Variants in SMYD3 observed in about 807,000 individuals in gnomAD.
SMYD3 encodes the protein SET and MYND domain containing 3.
Under a neutral mutation model 57.7 loss-of-function variants are expected in SMYD3, and 36 were observed. The ratio of observed to expected loss-of-function variants is 0.62; its 90% CI spans 0.48 to 0.82. The LOEUF (loss-of-function observed/expected upper bound fraction) is 0.82, where lower values mean the gene tolerates loss of function less well. SMYD3 is among the 40% of genes least tolerant of loss of function. The probability of loss-of-function intolerance (pLI) is 0.00; values close to 1 mark genes in which losing one functional copy is unlikely to be tolerated. For synonymous variants in SMYD3, 211 were observed against 195.0 expected (o/e 1.08, Z -0.68); for missense variants, 515 against 538.8 (o/e 0.96, Z 0.44).
chr1:245,977,806 C>T (rs2058488842), intron 5 of SMYD3, among the ~76,000 whole-genome samples: 2 of 152,188 alleles, frequency 1.3e-5, no homozygotes, highest in African/African-American at 4.8e-5. Flanking sequence ...TTATTAACAC[C>T]TCTGAAGGTT....
chr1:246,285,263 T>C (rs1438254715), intron 5 of SMYD3, among the ~76,000 whole-genome samples: 1 of 152,222 alleles, frequency 6.6e-6, no homozygotes, highest in African/African-American at 2.4e-5. Flanking sequence ...CAGTCTCCAG[T>C]TGCATCCAGG....
intron 8 of SMYD3, among the ~76,000 whole-genome samples, chr1:245,885,612 T>C (rs937459232): frequency 6.6e-6 from 1 of 152,142 alleles, no homozygotes; most frequent in South Asian, 2.1e-4. Context: ...GGCTGAAGAG[T>C]TTGTATGCCC....
intron 1 of SMYD3, among the ~76,000 whole-genome samples, chr1:246,491,928 C>T (rs1019659058): frequency 6.6e-6 from 1 of 152,230 alleles, no homozygotes; most frequent in Non-Finnish European, 1.5e-5. Context: ...CTGAACGCAA[C>T]TCTGTTCAAC....
intron 5 of SMYD3, among the ~76,000 whole-genome samples, chr1:246,037,516 C>A (rs144236774): frequency 0.01 from 1,539 of 152,292 alleles, 16 homozygotes; most frequent in Non-Finnish European, 0.015. Flanking sequence ...CATCCTGCTT[C>A]AAGGACATAT....
chr1:245,763,010 G>A (rs2045920703), intron 11 of SMYD3, among the ~76,000 whole-genome samples: 1 of 152,198 alleles, frequency 6.6e-6, no homozygotes, highest in Admixed American at 6.5e-5. Context: ...ACGGACTAGA[G>A]GAGAGGAAGT....
intron 1 of SMYD3, among the ~76,000 whole-genome samples, chr1:246,401,983 A>G (rs976093022): frequency 2.0e-5 from 3 of 152,224 alleles, no homozygotes; most frequent in Admixed American, 6.5e-5. Flanking sequence ...CAGCCTCCCA[A>G]AGTGCTGGGA....
intron 5 of SMYD3, among the ~76,000 whole-genome samples, chr1:246,155,722 G>A (rs546702243): frequency 1.3e-5 from 2 of 152,332 alleles, no homozygotes; most frequent in South Asian, 2.1e-4. Flanking sequence ...GCTCGTGCCT[G>A]TAATCCCGGC....
intron 1 of SMYD3, among the ~76,000 whole-genome samples, chr1:246,441,622 T>TC (rs1313876443): frequency 6.6e-6 from 1 of 152,154 alleles, no homozygotes; most frequent in Non-Finnish European, 1.5e-5. Context: ...CTTTGTTTTT[T>TC]CCCCCTTGAG....
chr1:245,813,203 C>T (rs977814344), intron 10 of SMYD3, among the ~76,000 whole-genome samples: 12 of 151,808 alleles, frequency 7.9e-5, no homozygotes, highest in Admixed American at 1.3e-4. Flanking sequence ...TTAGGAGAGA[C>T]GGCGTTTCAC....
intron 5 of SMYD3, among the ~76,000 whole-genome samples, chr1:246,073,662 A>C (rs954612354): frequency 6.6e-6 from 1 of 152,176 alleles, no homozygotes; most frequent in African/African-American, 2.4e-5. Context: ...GGTTGCAGCA[A>C]GCCAAGATCA....
chr1:246,478,403 C>T (rs2068056190), intron 1 of SMYD3, among the ~76,000 whole-genome samples: 1 of 151,028 alleles, frequency 6.6e-6, no homozygotes, highest in African/African-American at 2.4e-5. Flanking sequence ...CATATATGCA[C>T]ACCTGTCCTC....
chr1:245,917,879 C>G (rs1261085984), intron 7 of SMYD3, among the ~76,000 whole-genome samples: 1 of 152,164 alleles, frequency 6.6e-6, no homozygotes, highest in Non-Finnish European at 1.5e-5. Context: ...GCAGAAAACT[C>G]CATGTGGTTT....
chr1:246,002,333 C>G (rs1298607569), intron 5 of SMYD3, among the ~76,000 whole-genome samples: 1 of 67,640 alleles, frequency 1.5e-5, no homozygotes, highest in Non-Finnish European at 3.8e-5. Context: ...TGCAGGCTCC[C>G]GCCACCACGC....
chr1:246,178,306 C>T (rs1229606689), intron 5 of SMYD3, among the ~76,000 whole-genome samples: 2 of 151,784 alleles, frequency 1.3e-5, no homozygotes, highest in African/African-American at 4.9e-5. Flanking sequence ...GAAGGTAAAG[C>T]CCCAAAAGAT....
intron 5 of SMYD3, among the ~76,000 whole-genome samples, chr1:246,152,474 C>T (rs1470137443): frequency 6.6e-6 from 1 of 152,182 alleles, no homozygotes; most frequent in Non-Finnish European, 1.5e-5. Flanking sequence ...ACTAATGCCA[C>T]CTCAGTCTAG....
intron 1 of SMYD3, among the ~76,000 whole-genome samples, chr1:246,374,474 T>G (rs1249082548): frequency 2.0e-5 from 3 of 152,082 alleles, no homozygotes; most frequent in African/African-American, 7.2e-5. Context: ...GACCACTTGG[T>G]GCTCTGTTTT....
intron 10 of SMYD3, among the ~76,000 whole-genome samples, chr1:245,850,115 G>A (rs975457636): frequency 6.6e-5 from 10 of 152,132 alleles, no homozygotes; most frequent in Admixed American, 5.9e-4. Flanking sequence ...GCAAAGGAGG[G>A]GCAGAAATGA....
chr1:245,823,350 C>T lies in SMYD3; in HGVS notation c.1076+35146G>A, dbSNP rs1021470717. Among the ~76,000 whole-genome samples the T allele has an allele frequency of 1.4e-4, 9 of 65,104 alleles. No individual in the cohort carries two copies. The South Asian group carries it at 1.7e-3, about 12-fold the overall frequency. The allele number at this position is 65,104 out of a possible 152,430, so 42.7% of individuals were successfully genotyped here. A position where few individuals can be genotyped will look rare whatever the true frequency, so the allele number is the denominator to read the frequency against. On this transcript the variant is annotated intron_variant, in intron 10 of 11. Transcript: ENST00000490107. ...ACACACACGCGCGCTCGTGCTTGCT[C>T]GCTCTCGCTCTCTCTCTCTCTTTTC...
intron 5 of SMYD3, among the ~76,000 whole-genome samples, chr1:246,094,921 C>A (rs1223747532): frequency 3.3e-5 from 5 of 152,042 alleles, no homozygotes; most frequent in Non-Finnish European, 7.4e-5. Context: ...CCATGGCGGA[C>A]TTTCCTCTTC....
Sources: gnomAD v4.1 joint callset for allele counts (sites outside exome capture counted in the v4.1 genomes callset) on GRCh38, gnomAD v4.1.1 for gene constraint, MANE v1.5 for transcripts, NCBI Gene and HGNC (gene_info 2026-07-23, HGNC 2026-07-21) for gene names.